Variants in REPS2 observed in about 807,000 individuals in gnomAD.
The protein encoded by REPS2 is ralBP1-associated Eps domain-containing protein 2.
Under a neutral mutation model 53.6 loss-of-function variants are expected in REPS2, and 23 were observed. The observed-to-expected ratio is 0.43, with a 90% CI of 0.31 to 0.61. The LOEUF (loss-of-function observed/expected upper bound fraction) is 0.61, where lower values mean the gene tolerates loss of function less well. Ranked by LOEUF, REPS2 falls within the 20% of genes least tolerant of loss-of-function variation. The pLI is 0.11. For missense variants in REPS2, 446 were observed against 534.9 expected (o/e 0.83, Z 1.64); for synonymous variants, 238 against 218.6 (o/e 1.09, Z -0.78).
At chrX:16,970,258 G>A (rs918317133) in intron 1 of REPS2, among the ~76,000 whole-genome samples, 10 of 107,723 alleles carry the variant, frequency 9.3e-5, no homozygotes, top group African/African-American at 3.4e-4. Flanking sequence ...GTGCAGTGGC[G>A]TGATCTCGGC....
At chrX:17,118,020 C>CG (rs1387448547) in intron 14 of REPS2, among the ~76,000 whole-genome samples, 1 of 80,064 alleles carries the variant, frequency 1.2e-5, no homozygotes, top group Non-Finnish European at 2.2e-5. Context: ...AGTGCAGTGG[C>CG]GGGATCTCGG....
At chrX:16,969,478 C>T (rs1402269625) in intron 1 of REPS2, among the ~76,000 whole-genome samples, 1 of 109,031 alleles carries the variant, frequency 9.2e-6, no homozygotes, top group Non-Finnish European at 1.9e-5. Context: ...AATCCCGGCA[C>T]CTCGGGAGGC....
chrX:17,043,572 G>A (rs191562205), intron 5 of REPS2, among the ~76,000 whole-genome samples: 196 of 109,222 alleles, frequency 1.8e-3, no homozygotes, highest in Non-Finnish European at 3.4e-3. Flanking sequence ...TGGTTCTGGC[G>A]CCCTCATAAC....
intron 9 of REPS2, among the ~76,000 whole-genome samples, chrX:17,066,132 A>G (rs1171342443): frequency 8.9e-6 from 1 of 112,238 alleles, no homozygotes; most frequent in African/African-American, 3.2e-5. Flanking sequence ...ATTGATCTAT[A>G]TGTTTATGAT....
chrX:17,168,343 G>A, the REPS2 span, among the ~76,000 whole-genome samples: 15 of 111,436 alleles, frequency 1.3e-4, no homozygotes, highest in African/African-American at 4.2e-4. Flanking sequence ...GTGAAACATC[G>A]TTTATACAAA....
intron 17 of REPS2, among the ~76,000 whole-genome samples, chrX:17,143,755 G>A (rs939203805): frequency 4.6e-5 from 5 of 109,131 alleles, no homozygotes; most frequent in Admixed American, 3.9e-4. Context: ...TATTTTTGAC[G>A]GTATCCTATT....
rs58924467 is a variant in REPS2 at position 16,954,805 on chromosome X, CTT to C, written c.273+7693_273+7694del. On this transcript the variant is annotated intron_variant, in intron 1 of 17. Transcript: ENST00000357277. Reference sequence around the variant, plus strand: ...GGTTGTTTTTGCTAATTATTTATAACTTTTTTTTTTTTTTTTTTTTTTTGAGA... The same window carrying C: ...GGTTGTTTTTGCTAATTATTTATAACTTTTTTTTTTTTTTTTTTTTTGAGA... Among the ~76,000 whole-genome samples, 487 of 59,301 alleles carry C rather than the reference CTT, an allele frequency of 8.2e-3. 4 individuals are homozygous for C. The highest frequency in any genetic ancestry group is 0.024 in the African/African-American group (382 of 15,967). The allele number at this position is 59,301 out of a possible 115,157, so 51.5% of individuals were successfully genotyped here.
the REPS2 span, among the ~76,000 whole-genome samples, chrX:17,165,981 T>C: frequency 3.5e-4 from 39 of 112,140 alleles, no homozygotes; most frequent in Non-Finnish European, 6.0e-4. Context: ...AAGCAAGCTG[T>C]GGCTTCTTCT....
chrX:17,133,938 G>A (rs2081329993), intron 15 of REPS2, 31 bp downstream of exon 15: 8 of 1,085,215 alleles, frequency 7.4e-6, no homozygotes, highest in Non-Finnish European at 7.7e-6. Context: ...CTGTCAGATG[G>A]CGTTGCGAGT....
At chrX:17,166,434 G>C in the REPS2 span, among the ~76,000 whole-genome samples, 2 of 112,022 alleles carry the variant, frequency 1.8e-5, no homozygotes, top group East Asian at 5.6e-4. Flanking sequence ...ATTATGTTGG[G>C]TTTTAGCTCA....
chrX:16,974,198 T>G (rs1190577851), intron 1 of REPS2, among the ~76,000 whole-genome samples: 2 of 112,068 alleles, frequency 1.8e-5, no homozygotes, highest in African/African-American at 6.5e-5. Context: ...TTTTTTCTCC[T>G]GATACAGTAT....
the REPS2 span, among the ~76,000 whole-genome samples, chrX:17,163,789 A>G: frequency 3.6e-5 from 4 of 112,310 alleles, no homozygotes; most frequent in Non-Finnish European, 5.6e-5. Flanking sequence ...ATTTGTCACA[A>G]GCAGACCTCT....
At position 16,956,447 on chromosome X, in the gene REPS2, G is replaced by A. The variant is rs189889431; in HGVS notation, c.273+9313G>A. 7.3e-5 allele frequency among the ~76,000 whole-genome samples: 8 copies of A among 108,858 alleles called. No individual in the cohort carries two copies. In the East Asian group the frequency reaches 2.3e-3, roughly 31 times the overall value. 94.5% of individuals were successfully genotyped at this position (108,858 alleles called of 115,157 possible). On this transcript the variant is annotated intron_variant, in intron 1 of 17. Transcript: ENST00000357277. ...CTCCCAAGTAGCTGGGACTACACGT[G>A]CATGCCACCACACCCAGCTAATTTT...
the REPS2 span, among the ~76,000 whole-genome samples, chrX:17,161,276 C>T: frequency 3.6e-5 from 4 of 111,773 alleles, no homozygotes; most frequent in East Asian, 5.6e-4. Flanking sequence ...GGGGATTTCA[C>T]ACATGCAATT....
intron 14 of REPS2, among the ~76,000 whole-genome samples, chrX:17,111,421 A>C (rs1263414849): frequency 1.8e-5 from 2 of 112,582 alleles, no homozygotes; most frequent in Non-Finnish European, 3.8e-5. Context: ...TGTATTAGAA[A>C]ATCAGAAATT....
intron 9 of REPS2, among the ~76,000 whole-genome samples, chrX:17,067,256 T>G (rs998850151): frequency 8.9e-6 from 1 of 112,106 alleles, no homozygotes; most frequent in Admixed American, 9.5e-5. Context: ...TTGAACTTAA[T>G]CTTATAGGCA....
At chrX:17,089,269 A>G (rs985657269) in intron 13 of REPS2, among the ~76,000 whole-genome samples, 16 of 111,364 alleles carry the variant, frequency 1.4e-4, no homozygotes, top group African/African-American at 4.9e-4. Flanking sequence ...TATAAGACAA[A>G]TAGTATACTG....
chrX:17,190,603 G>T, the REPS2 span, among the ~76,000 whole-genome samples: 2 of 112,068 alleles, frequency 1.8e-5, no homozygotes, highest in South Asian at 3.7e-4. Context: ...GGATTTTTTT[G>T]GGGGGTAGAT....
chrX:17,096,668 AAAAAAAAAAAAAAAG>A (rs1408735775), intron 13 of REPS2, among the ~76,000 whole-genome samples: 3 of 97,484 alleles, frequency 3.1e-5, no homozygotes, highest in Admixed American at 1.2e-4. Context: ...TCAAAAAAAA[AAAAAAAAAAAAAAAG>A]AAAAGAAAAG....
Sources: gnomAD v4.1 joint callset for allele counts (sites outside exome capture counted in the v4.1 genomes callset) on GRCh38, gnomAD v4.1.1 for gene constraint, MANE v1.5 for transcripts, NCBI Gene and HGNC (gene_info 2026-07-23, HGNC 2026-07-21) for gene names.